NUP133: variants seen among roughly 807,000 people sequenced by gnomAD.
NUP133 encodes the protein nuclear pore complex protein Nup133.
In NUP133, 66 loss-of-function variants were observed where a neutral mutation model predicts 146.2. The observed-to-expected ratio is 0.45, with a 90% CI of 0.37 to 0.55. The LOEUF is 0.55. Among genes scored for constraint, NUP133 ranks in the 20% least tolerant of loss-of-function variants. The pLI is 0.00. For synonymous variants in NUP133, 521 were observed against 498.8 expected (o/e 1.04, Z -0.59); for missense variants, 1,277 against 1,374.8 (o/e 0.93, Z 1.12).
intron 21 of NUP133, among the ~76,000 whole-genome samples, chr1:229,456,792 T>C (rs73114344): frequency 0.052 from 7,926 of 151,798 alleles, 558 homozygotes; most frequent in African/African-American, 0.15. Context: ...CATTTTATTA[T>C]GTATATCTAT....
intron 9 of NUP133, among the ~76,000 whole-genome samples, chr1:229,488,027 G>C (rs940084833): frequency 2.0e-5 from 3 of 151,732 alleles, no homozygotes; most frequent in African/African-American, 4.8e-5. Context: ...TGTATCTTTA[G>C]TAGAGATGGG....
rs757354791 is a variant in NUP133 at position 229,506,022 on chromosome 1, T to C, written c.301+18A>G. On this transcript the variant is annotated intron_variant, in intron 2 of 25. Transcript: ENST00000261396. ...ATTTTAAACTGCTAATATAGGTAAA[T>C]GGAAAGATGACACCTACCTTCAGCC... The C allele has an allele frequency of 2.1e-6, 3 of 1,416,540 alleles. No individual in the cohort carries two copies. In the South Asian group the frequency reaches 3.5e-5, roughly 16 times the overall value. 87.7% of individuals were successfully genotyped at this position (1,416,540 alleles called of 1,614,324 possible). A position where few individuals can be genotyped will look rare whatever the true frequency, so the allele number is the denominator to read the frequency against.
At position 229,448,942 on chromosome 1, in the gene NUP133, T is replaced by C. The variant is rs77578475; in HGVS notation, c.3245+184A>G. 3.0e-3 allele frequency: 1,842 copies of C among 607,734 alleles called. 31 individuals carry two copies. In the African/African-American group the frequency reaches 0.031, roughly 10 times the overall value. 37.6% of individuals were successfully genotyped at this position (607,734 alleles called of 1,614,324 possible). On this transcript the variant is annotated intron_variant, in intron 24 of 25. Transcript: ENST00000261396. ...CTGTGGTTGTAGATTGTATCAGGAC[T>C]GAACTAAATTAAAGGACATTCAGCT...
intron 17 of NUP133, among the ~76,000 whole-genome samples, 153 bp downstream of exon 17, chr1:229,465,267 C>A (rs10916483): frequency 0.26 from 39,576 of 152,104 alleles, 6,550 homozygotes; most frequent in African/African-American, 0.46. Context: ...GAGCAAGGGA[C>A]GAATAAAGTG....
At chr1:229,463,054 T>C (rs370308981) in intron 19 of NUP133, among the ~76,000 whole-genome samples, 1 of 152,230 alleles carries the variant, frequency 6.6e-6, no homozygotes, top group Non-Finnish European at 1.5e-5. Flanking sequence ...ATGAAAGTTA[T>C]ATTTTCCAAA....
At chr1:229,463,422 A>C in intron 19 of NUP133, 121 bp downstream of exon 19, 1 of 1,135,106 alleles carries the variant, frequency 8.8e-7, no homozygotes, top group Admixed American at 2.9e-5. Flanking sequence ...TTCTCATCAA[A>C]GTTAACTACA....
In NUP133 at chr1:229,498,478, A is replaced by G. The variant is rs775486503; in HGVS notation, c.649-172T>C. On this transcript the variant is annotated intron_variant, in intron 5 of 25. Transcript: ENST00000261396. ...ATATTTCAGAATCCATTCAGTTAAT[A>G]TTATTAATCCTACATAGAAAAACTC... 5.9e-5 allele frequency among the ~76,000 whole-genome samples: 9 copies of G among 152,352 alleles called. No individual in the cohort carries two copies. The South Asian group carries it at 1.2e-3, about 21-fold the overall frequency.
At chr1:229,443,172 A>T (rs1660221634) in intron 25 of NUP133, among the ~76,000 whole-genome samples, 1 of 151,224 alleles carries the variant, frequency 6.6e-6, no homozygotes, top group South Asian at 2.1e-4. Flanking sequence ...AGTAGCAGGG[A>T]CTATAGGCAT....
intron 18 of NUP133, 45 bp from the exon 19 acceptor site, chr1:229,463,721 T>A (rs752398023): frequency 2.0e-6 from 3 of 1,535,776 alleles, no homozygotes; most frequent in African/African-American, 2.8e-5. Context: ...TTAGCAAAAC[T>A]TAAAATCTGT....
intron 24 of NUP133, among the ~76,000 whole-genome samples, chr1:229,446,992 T>C (rs1318866387): frequency 2.0e-5 from 3 of 151,850 alleles, no homozygotes; most frequent in African/African-American, 7.3e-5. Flanking sequence ...GGCGTGGTGG[T>C]ACACGCCTGC....
rs145817898 is a variant in NUP133 at position 229,450,715 on chromosome 1, T to TTTTG, written c.3100-114_3100-111dup. 3.1e-3 allele frequency: 1,351 copies of TTTTG among 432,604 alleles called. 19 individuals carry two copies. The African/African-American group carries it at 0.034, about 11-fold the overall frequency. The allele number at this position is 432,604 out of a possible 1,614,324, so 26.8% of individuals were successfully genotyped here. A position where few individuals can be genotyped will look rare whatever the true frequency, so the allele number is the denominator to read the frequency against. ...TCTTGTAAGGAAGTTGTAGTTTGTT[T>TTTTG]TTTGTTTGTTTGTTTGTTTGTTTTT... On this transcript the variant is annotated intron_variant, in intron 22 of 25. Transcript: ENST00000261396.
At chr1:229,468,306 C>T (rs1385231183) in intron 15 of NUP133, among the ~76,000 whole-genome samples, 1 of 152,124 alleles carries the variant, frequency 6.6e-6, no homozygotes, top group Admixed American at 6.6e-5. Flanking sequence ...TAACTTGTCA[C>T]CCCCAAGTGG....
intron 20 of NUP133, 88 bp downstream of exon 20, chr1:229,460,523 A>C (rs1160677140): frequency 7.6e-7 from 1 of 1,319,938 alleles, no homozygotes; most frequent in Non-Finnish European, 1.0e-6. Context: ...ATATGACAGT[A>C]AACAGTATTT....
At chr1:229,471,242 CCCAAGCAGCACGCCA>C (rs1437621033) in intron 14 of NUP133, among the ~76,000 whole-genome samples, 1 of 152,126 alleles carries the variant, frequency 6.6e-6, no homozygotes, top group Non-Finnish European at 1.5e-5. Context: ...ACCTCAGCCT[CCCAAGCAGCACGCCA>C]CCACAACAGG....
intron 15 of NUP133, among the ~76,000 whole-genome samples, chr1:229,468,154 A>G (rs557305784): frequency 6.6e-6 from 1 of 152,206 alleles, no homozygotes; most frequent in East Asian, 1.9e-4. Flanking sequence ...GTCAAAGTGG[A>G]GAGCGCACCC....
Position 229,441,093 on chromosome 1 carries a change from T to A in NUP133, c.*811A>T. ...GAGAGTACAGTACCTTTCAGTCACATCAATTGCCATATTAGGAAAACCTAT... is the reference window on the plus strand; with the variant it reads ...GAGAGTACAGTACCTTTCAGTCACAACAATTGCCATATTAGGAAAACCTAT... On this transcript the variant is annotated 3_prime_UTR_variant, in exon 26 of 26. Coordinates refer to ENST00000261396, the MANE Select transcript of NUP133 (RefSeq NM_018230.3). 2 of 261,864 alleles carry A rather than the reference T, an allele frequency of 7.6e-6. No individual in the cohort carries two copies. The highest frequency in any genetic ancestry group is 9.0e-5 in the South Asian group (2 of 22,186). The allele number at this position is 261,864 out of a possible 1,614,324, so 16.2% of individuals were successfully genotyped here.
intron 21 of NUP133, 151 bp downstream of exon 21, chr1:229,458,010 G>A: frequency 1.5e-6 from 1 of 650,852 alleles, no homozygotes. Context: ...ATATAATTGA[G>A]TAACTACACA....
At chr1:229,484,262 G>A (rs574359174) in intron 11 of NUP133, 117 bp from the exon 12 acceptor site, 39 of 636,564 alleles carry the variant, frequency 6.1e-5, no homozygotes, top group East Asian at 5.9e-4. Flanking sequence ...GCTGTTTGCC[G>A]TATTGTCTGT....
At chr1:229,450,148 G>A (rs145613946) in intron 23 of NUP133, among the ~76,000 whole-genome samples, 693 of 149,268 alleles carry the variant, frequency 4.6e-3, no homozygotes, top group Middle Eastern at 6.9e-3. Context: ...TGTCTGCCTC[G>A]GCCTCCCAAA....
Sources: allele counts gnomAD v4.1 joint callset (sites outside exome capture counted in the v4.1 genomes callset), GRCh38; gene constraint gnomAD v4.1.1; transcripts MANE v1.5; gene names NCBI Gene and HGNC (gene_info 2026-07-23, HGNC 2026-07-21).